Variants in PIK3CB observed in about 807,000 individuals in gnomAD.
The protein encoded by PIK3CB is phosphatidylinositol 4,5-bisphosphate 3-kinase catalytic subunit beta isoform.
Under a neutral mutation model 136.8 loss-of-function variants are expected in PIK3CB, and 39 were observed. The ratio of observed to expected loss-of-function variants is 0.29; its 90% CI spans 0.22 to 0.37. The LOEUF is 0.37. Ranked by LOEUF, PIK3CB falls within the 10% of genes least tolerant of loss-of-function variation. The pLI is 1.00. For synonymous variants in PIK3CB, 428 were observed against 436.6 expected (o/e 0.98, Z 0.25); for missense variants, 868 against 1,275.4 (o/e 0.68, Z 4.87).
Position 138,776,607 on chromosome 3 carries a change from G to A in PIK3CB, c.-16-17248C>T, listed in dbSNP as rs117894583. On this transcript the variant is annotated intron_variant, in intron 2 of 23. Coordinates refer to ENST00000674063, the MANE Select transcript of PIK3CB (RefSeq NM_006219.3). ...CCAGCTACTCAGGAAGCTGAGGGAC[G>A]ATCGCCTGAGCCTGGGAGGCAGACA... Among the ~76,000 whole-genome samples the A allele has an allele frequency of 1.5e-3, 229 of 152,230 alleles. 6 individuals carry two copies. In the East Asian group the frequency reaches 0.032, roughly 22 times the overall value.
intron 19 of PIK3CB, among the ~76,000 whole-genome samples, chr3:138,681,269 C>T (rs1438931998): frequency 6.6e-6 from 1 of 152,126 alleles, no homozygotes; most frequent in Non-Finnish European, 1.5e-5. Flanking sequence ...TGGTCTCAAA[C>T]TCCTGACCTC....
chr3:138,777,120 A>T (rs563353884), intron 2 of PIK3CB, among the ~76,000 whole-genome samples: 7 of 152,146 alleles, frequency 4.6e-5, no homozygotes, highest in Admixed American at 6.5e-5. Flanking sequence ...GTCATCTCCA[A>T]GCTGAGCAGG....
At chr3:138,795,217 G>C (rs2046095899) in intron 2 of PIK3CB, among the ~76,000 whole-genome samples, 1 of 151,088 alleles carries the variant, frequency 6.6e-6, no homozygotes, top group Non-Finnish European at 1.5e-5. Flanking sequence ...CTACTTGGGA[G>C]ACTGAGGCAG....
At chr3:138,825,438 C>G in intron 1 of PIK3CB, 1 of 687,520 alleles carries the variant, frequency 1.5e-6, no homozygotes, top group South Asian at 1.7e-5. Flanking sequence ...ACAGCCAATA[C>G]AGATATGAGG....
chr3:138,813,924 T>C (rs1482175310), intron 1 of PIK3CB, among the ~76,000 whole-genome samples: 2 of 152,106 alleles, frequency 1.3e-5, no homozygotes, highest in East Asian at 3.9e-4. Context: ...CCTAAATGGT[T>C]TGAAGGAGGA....
intron 21 of PIK3CB, 79 bp from the exon 22 acceptor site, chr3:138,657,914 G>A (rs2043219155): frequency 7.1e-7 from 1 of 1,399,196 alleles, no homozygotes; most frequent in Non-Finnish European, 9.8e-7. Context: ...CATAGTCCTA[G>A]ACCCCCAGGA....
intron 21 of PIK3CB, among the ~76,000 whole-genome samples, chr3:138,659,782 T>C (rs2043257154): frequency 6.6e-6 from 1 of 151,906 alleles, no homozygotes; most frequent in Admixed American, 6.6e-5. Flanking sequence ...ATTTTTGTGC[T>C]ATTTTGACTG....
intron 2 of PIK3CB, among the ~76,000 whole-genome samples, chr3:138,788,215 G>A (rs114945857): frequency 0.033 from 5,051 of 151,986 alleles, 134 homozygotes; most frequent in Non-Finnish European, 0.052. Flanking sequence ...GAGCCACCAC[G>A]CCTGGATGAA....
chr3:138,778,171 G>C, intron 2 of PIK3CB: 1 of 451,372 alleles, frequency 2.2e-6, no homozygotes, highest in Non-Finnish European at 4.4e-6. Context: ...AGGAGAAACC[G>C]AAAGGGTCAT....
chr3:138,821,836 G>T (rs1055848923), intron 1 of PIK3CB, among the ~76,000 whole-genome samples: 2 of 151,858 alleles, frequency 1.3e-5, no homozygotes, highest in African/African-American at 4.8e-5. Context: ...ATGGAATGGT[G>T]AGTGAATGTG....
chr3:138,709,760 T>C (rs1190938899), intron 10 of PIK3CB, among the ~76,000 whole-genome samples: 1 of 152,176 alleles, frequency 6.6e-6, no homozygotes, highest in Non-Finnish European at 1.5e-5. Context: ...TTACTAAAAA[T>C]ACTAGTCAAG....
intron 2 of PIK3CB, among the ~76,000 whole-genome samples, chr3:138,773,392 CAA>C (rs2045822924): frequency 6.7e-6 from 1 of 148,468 alleles, no homozygotes; most frequent in African/African-American, 2.5e-5. Context: ...GAGATACTGT[CAA>C]AGAAAAAAAA....
chr3:138,666,781 C>A (rs1398274415), intron 19 of PIK3CB, among the ~76,000 whole-genome samples: 2 of 152,088 alleles, frequency 1.3e-5, no homozygotes, highest in Non-Finnish European at 2.9e-5. Flanking sequence ...CCTGGTGATA[C>A]AGAAATAAGC....
intron 1 of PIK3CB, among the ~76,000 whole-genome samples, chr3:138,812,353 C>T (rs772251010): frequency 6.6e-6 from 1 of 151,860 alleles, no homozygotes; most frequent in Non-Finnish European, 1.5e-5. Flanking sequence ...TCTCCTGCCT[C>T]AGCCTCCCAA....
intron 8 of PIK3CB, among the ~76,000 whole-genome samples, chr3:138,732,248 C>T (rs2044993931): frequency 6.6e-6 from 1 of 152,062 alleles, no homozygotes. Flanking sequence ...TAACTATAGT[C>T]TTCATGTTGT....
intron 1 of PIK3CB, among the ~76,000 whole-genome samples, chr3:138,809,202 C>T (rs563127010): frequency 6.6e-5 from 10 of 151,836 alleles, no homozygotes; most frequent in East Asian, 3.9e-4. Flanking sequence ...CGTTTGAACC[C>T]GAGAGGCGGA....
chr3:138,742,525 T>C, intron 5 of PIK3CB, 33 bp downstream of exon 5: 1 of 1,082,368 alleles, frequency 9.2e-7, no homozygotes, highest in East Asian at 2.5e-5. Flanking sequence ...AGAAATTTAT[T>C]ACAAAATATT....
chr3:138,712,767 G>A (rs1174743325), intron 9 of PIK3CB, among the ~76,000 whole-genome samples: 6 of 151,968 alleles, frequency 3.9e-5, no homozygotes, highest in Non-Finnish European at 8.8e-5. Flanking sequence ...GGGTTTTGCC[G>A]TGTAGGACAG....
At chr3:138,698,381 C>T (rs1004389526) in intron 13 of PIK3CB, among the ~76,000 whole-genome samples, 1 of 152,132 alleles carries the variant, frequency 6.6e-6, no homozygotes, top group African/African-American at 2.4e-5. Flanking sequence ...AATCAGGGAA[C>T]TAAAATTTGG....
Sources: gnomAD v4.1 joint callset for allele counts (sites outside exome capture counted in the v4.1 genomes callset) on GRCh38, gnomAD v4.1.1 for gene constraint, MANE v1.5 for transcripts, NCBI Gene and HGNC (gene_info 2026-07-23, HGNC 2026-07-21) for gene names.